NDUFB5: variants seen among roughly 807,000 people sequenced by gnomAD.
The protein encoded by NDUFB5 is NADH dehydrogenase [ubiquinone] 1 beta subcomplex subunit 5, mitochondrial.
In NDUFB5, 19 loss-of-function variants were observed where a neutral mutation model predicts 19.4. The ratio of observed to expected loss-of-function variants is 0.98; its 90% confidence interval spans 0.68 to 1.43. The LOEUF (loss-of-function observed/expected upper bound fraction) is 1.43, where lower values mean the gene tolerates loss of function less well. Among genes scored for constraint, NDUFB5 ranks in the 40% most tolerant of loss-of-function variants. NDUFB5 has a pLI of 0.00. For missense variants in NDUFB5, 233 were observed against 236.5 expected (o/e 0.99, Z 0.10); for synonymous variants, 80 against 82.6 (o/e 0.97, Z 0.17).
chr3:179,609,064 G>T (rs1320716780), intron 1 of NDUFB5, among the ~76,000 whole-genome samples: 1 of 152,208 alleles, frequency 6.6e-6, no homozygotes, highest in Non-Finnish European at 1.5e-5. Context: ...AGGAAGTGAT[G>T]TTGTTTAAGG....
At chr3:179,615,678 T>C (rs1719359767) in intron 2 of NDUFB5, 29 of 516,358 alleles carry the variant, frequency 5.6e-5, no homozygotes, top group South Asian at 4.5e-4. Flanking sequence ...GCCCTTCCGT[T>C]GTGTTTAATG....
chr3:179,604,874 G>T lies in NDUFB5; in HGVS notation c.59G>T (p.Gly20Val), dbSNP rs1719034362. 6.3e-7 allele frequency: 1 copy of T among 1,594,286 alleles called. No individual in the cohort carries two copies. Among genetic ancestry groups the T allele is most frequent in the Non-Finnish European group, 8.5e-7 (1 of 1,175,066 alleles). The change falls in exon 1 of 6, where the codon GGC (glycine) becomes GTC (valine). Residue 20 changes from glycine to valine, a missense_variant. Coordinates refer to ENST00000259037, the MANE Select transcript of NDUFB5 (RefSeq NM_002492.4). Reference protein sequence around the residue: ...VSVTAVAALSGRPLGTRLGFG... With the variant: ...VSVTAVAALSVRPLGTRLGFG... ...GTTACTGCGGTGGCAGCTCTGTCTGGCCGGCCCCTTGGCACTCGCCTCGGA... is the reference window on the plus strand; with the variant it reads ...GTTACTGCGGTGGCAGCTCTGTCTGTCCGGCCCCTTGGCACTCGCCTCGGA...
At chr3:179,605,377 C>T (rs1270760149) in intron 1 of NDUFB5, among the ~76,000 whole-genome samples, 2 of 152,158 alleles carry the variant, frequency 1.3e-5, no homozygotes, top group African/African-American at 4.8e-5. Context: ...TCAGGGCCAA[C>T]TTATTCTTTA....
intron 5 of NDUFB5, among the ~76,000 whole-genome samples, chr3:179,621,554 G>A (rs948950376): frequency 8.6e-6 from 1 of 116,072 alleles, no homozygotes; most frequent in Non-Finnish European, 2.1e-5. Context: ...GTACAGTGGC[G>A]TGGTCTCGGC....
chr3:179,617,809 G>T (rs1420680667), intron 4 of NDUFB5, among the ~76,000 whole-genome samples: 2 of 152,062 alleles, frequency 1.3e-5, no homozygotes, highest in Non-Finnish European at 2.9e-5. Context: ...GTCTAGATGG[G>T]GTCACTATTT....
chr3:179,609,721 A>G lies in NDUFB5; in HGVS notation c.124+4782A>G, dbSNP rs118097174. On this transcript the variant is annotated intron_variant, in intron 1 of 5. Transcript: ENST00000259037. Reference sequence around the variant, plus strand: ...ATTTTACATTCCTTTGTTTACCAACAGTGTACAAAGATTCCACTTCCTCCA... The same window carrying G: ...ATTTTACATTCCTTTGTTTACCAACGGTGTACAAAGATTCCACTTCCTCCA... Among the ~76,000 whole-genome samples, 4 of 152,306 alleles carry G rather than the reference A, an allele frequency of 2.6e-5. No individual in the cohort carries two copies. In the East Asian group the frequency reaches 7.7e-4, roughly 29 times the overall value.
At chr3:179,605,529 G>T (rs1372594565) in intron 1 of NDUFB5, among the ~76,000 whole-genome samples, 1 of 149,354 alleles carries the variant, frequency 6.7e-6, no homozygotes, top group African/African-American at 2.5e-5. Context: ...GCAGTGGCGC[G>T]ATCTTGGCTC....
intron 5 of NDUFB5, among the ~76,000 whole-genome samples, chr3:179,619,140 A>G (rs1719459515): frequency 6.6e-6 from 1 of 150,738 alleles, no homozygotes; most frequent in Non-Finnish European, 1.5e-5. Flanking sequence ...TTTTATATAC[A>G]TATTAAAAAG....
rs1178628890 is a variant in NDUFB5, at chr3:179,625,901, A to C, written c.*1861A>C. 5 of 152,338 alleles carry C rather than the reference A, an allele frequency of 3.3e-5. No homozygotes were observed. The East Asian group carries it at 9.6e-4, about 29-fold the overall frequency. 9.4% of individuals were successfully genotyped at this position (152,338 alleles called of 1,614,324 possible). A position where few individuals can be genotyped will look rare whatever the true frequency, so the allele number is the denominator to read the frequency against. ...CCCATTCTTTTTCATAATATTGTCCATACATACCACATTTTCTATATCCAT... is the reference window on the plus strand; with the variant it reads ...CCCATTCTTTTTCATAATATTGTCCCTACATACCACATTTTCTATATCCAT... On this transcript the variant is annotated 3_prime_UTR_variant, in exon 6 of 6. Coordinates refer to ENST00000259037, the MANE Select transcript of NDUFB5 (RefSeq NM_002492.4).
chr3:179,615,936 G>A (rs1230057008), intron 2 of NDUFB5, 47 bp from the exon 3 acceptor site: 10 of 1,341,822 alleles, frequency 7.5e-6, no homozygotes, highest in Non-Finnish European at 1.1e-5. Flanking sequence ...TTGTGTGTGG[G>A]GAGAGTTACG....
intron 1 of NDUFB5, among the ~76,000 whole-genome samples, chr3:179,614,414 C>G (rs1284858618): frequency 6.6e-6 from 1 of 152,148 alleles, no homozygotes; most frequent in Non-Finnish European, 1.5e-5. Flanking sequence ...CTGGTCCTTT[C>G]CATCTATTTT....
In NDUFB5 at chr3:179,617,227, T is replaced by C. The variant is rs1719405669; in HGVS notation, c.342+183T>C. 1.4e-5 allele frequency: 6 copies of C among 430,242 alleles called. No individual in the cohort carries two copies. In the South Asian group the frequency reaches 1.8e-4, roughly 13 times the overall value. 26.7% of individuals were successfully genotyped at this position (430,242 alleles called of 1,614,324 possible). ...ATTTCAGCTCACTGCAACTTCTGCC[T>C]CCCGCATTCAAGCGATTCTCATGCC... On this transcript the variant is annotated intron_variant, in intron 4 of 5. Coordinates refer to ENST00000259037, the MANE Select transcript of NDUFB5 (RefSeq NM_002492.4).
At chr3:179,609,195 G>A (rs1425798678) in intron 1 of NDUFB5, among the ~76,000 whole-genome samples, 1 of 152,192 alleles carries the variant, frequency 6.6e-6, no homozygotes, top group African/African-American at 2.4e-5. Context: ...CCTCTTCTGA[G>A]ACCCTGCTTT....
intron 1 of NDUFB5, among the ~76,000 whole-genome samples, chr3:179,612,072 C>G (rs1281541869): frequency 6.6e-6 from 1 of 151,974 alleles, no homozygotes; most frequent in East Asian, 2.0e-4. Flanking sequence ...GCCTCAGCCT[C>G]CCGAGTAGCT....
In NDUFB5 at chr3:179,624,221, A is replaced by G. The variant is rs1336910908; in HGVS notation, c.*181A>G. 8.8e-6 allele frequency: 4 copies of G among 454,530 alleles called. No homozygotes were observed. The East Asian group carries it at 1.6e-4, about 18-fold the overall frequency. 28.2% of individuals were successfully genotyped at this position (454,530 alleles called of 1,614,324 possible). ...GGCTTCCAGTCCCCAAAGAAGGTTT[A>G]AAATGTACTAATAAAAACTGGAGAA... On this transcript the variant is annotated 3_prime_UTR_variant, in exon 6 of 6. Transcript: ENST00000259037.
chr3:179,621,544 GTA>G (rs1291015857), intron 5 of NDUFB5, among the ~76,000 whole-genome samples: 1 of 117,532 alleles, frequency 8.5e-6, no homozygotes, highest in Non-Finnish European at 2.0e-5. Context: ...CCAGGCTGGA[GTA>G]CAGTGGCGTG....
At chr3:179,622,876 T>C (rs1719575364) in intron 5 of NDUFB5, among the ~76,000 whole-genome samples, 3 of 152,200 alleles carry the variant, frequency 2.0e-5, no homozygotes, top group Non-Finnish European at 2.9e-5. Flanking sequence ...GAGAAGGGAC[T>C]ACTTCAGGAA....
At chr3:179,621,665 T>A (rs985149752) in intron 5 of NDUFB5, among the ~76,000 whole-genome samples, 1 of 151,716 alleles carries the variant, frequency 6.6e-6, no homozygotes, top group Non-Finnish European at 1.5e-5. Flanking sequence ...AATTTTTGTA[T>A]TTTTAGTAGA....
intron 1 of NDUFB5, among the ~76,000 whole-genome samples, chr3:179,613,218 G>A (rs1421038682): frequency 1.3e-5 from 2 of 152,142 alleles, no homozygotes; most frequent in Non-Finnish European, 2.9e-5. Context: ...GCTTTTGAGA[G>A]ATCTCTTTGC....
Sources: allele counts gnomAD v4.1 joint callset (sites outside exome capture counted in the v4.1 genomes callset), GRCh38; gene constraint gnomAD v4.1.1; transcripts MANE v1.5; gene names NCBI Gene and HGNC (gene_info 2026-07-23, HGNC 2026-07-21).